PPL: variants seen among roughly 807,000 people sequenced by gnomAD.
The protein encoded by PPL is 190 kDa paraneoplastic pemphigus antigen.
PPL carries 198 observed loss-of-function variants against 194.4 expected under a neutral mutation model. The ratio of observed to expected loss-of-function variants is 1.02; its 90% CI spans 0.91 to 1.15. The LOEUF (loss-of-function observed/expected upper bound fraction) is 1.15, where lower values mean the gene tolerates loss of function less well. PPL is among the 50% of genes most tolerant of loss of function. The pLI is 0.00. For synonymous variants in PPL, 1,220 were observed against 972.4 expected (o/e 1.25, Z -4.74); for missense variants, 2,885 against 2,294.8 (o/e 1.26, Z -5.25).
At chr16:4,908,247 C>T (rs894799640) in intron 2 of PPL, among the ~76,000 whole-genome samples, 65 of 151,564 alleles carry the variant, frequency 4.3e-4, no homozygotes, top group Admixed American at 2.0e-4. Context: ...AATCCCAGCA[C>T]TTTGGGAAGC....
rs775542961 is a variant in PPL, at chr16:4,892,103, C to G, written c.1761G>C (p.Arg587Ser). Reference protein sequence around the residue: ...LPGSGTTPLLRTRVEDTNRKY... With the variant: ...LPGSGTTPLLSTRVEDTNRKY... ...TCCGGTTGGTGTCCTCCACCCGGGTCCTCAGCAGGGGTGTGGTGCCACTGC... is the reference window on the plus strand; with the variant it reads ...TCCGGTTGGTGTCCTCCACCCGGGTGCTCAGCAGGGGTGTGGTGCCACTGC... Residue 587 changes from arginine (R) to serine (S), a missense_variant, in exon 15 of 22, where the codon AGG becomes AGC. Arg to Ser is a moderately radical substitution (Grantham distance 110). Coordinates refer to ENST00000345988, the MANE Select transcript of PPL (RefSeq NM_002705.5). The G allele has an allele frequency of 6.2e-7, 1 of 1,613,824 alleles. No homozygotes were observed. The highest frequency in any genetic ancestry group is 1.3e-5 in the African/African-American group (1 of 75,072).
At position 4,885,857 on chromosome 16, in the gene PPL, A is replaced by C; in HGVS notation, c.2798T>G (p.Val933Gly). Residue 933 changes from valine to glycine, a missense_variant, in exon 22 of 22, where the codon GTG becomes GGG. Coordinates refer to ENST00000345988, the MANE Select transcript of PPL (RefSeq NM_002705.5). This position sits in a 1 kb window ranked among gnomAD's most constrained non-coding sequence, Gnocchi z 6.3. ...CACCTTCTTGAGCACCTCCTTCCTCACCACCGATTCCTGAGGCCCCTGATT... is the reference window on the plus strand; with the variant it reads ...CACCTTCTTGAGCACCTCCTTCCTCCCCACCGATTCCTGAGGCCCCTGATT... Reference protein sequence around the residue: ...LRNQGPQESVVRKEVLKKVPD... With the variant: ...LRNQGPQESVGRKEVLKKVPD... 1.2e-6 allele frequency: 2 copies of C among 1,607,848 alleles called. No individual in the cohort carries two copies. Among genetic ancestry groups the C allele is most frequent in the Non-Finnish European group, 1.7e-6 (2 of 1,179,950 alleles).
rs369732206 is a variant in PPL at position 4,922,862 on chromosome 16, C to T, written c.63-11913G>A. Among the ~76,000 whole-genome samples the T allele has an allele frequency of 1.8e-4, 28 of 152,278 alleles. No individual in the cohort carries two copies. The South Asian group carries it at 5.4e-3, about 29-fold the overall frequency. On this transcript the variant is annotated intron_variant, in intron 1 of 21. Transcript: ENST00000345988. ...TTGCCGGGGCACGTGGAATTCACAA[C>T]TAACCTCAGAATTTGGAACCATCTC...
chr16:4,885,277 G>C lies in PPL; in HGVS notation c.3378C>G (p.Thr1126=). The change falls in exon 22 of 22, where the codon ACC becomes ACG. Residue 1126 remains threonine, a synonymous_variant. Coordinates refer to ENST00000345988, the MANE Select transcript of PPL (RefSeq NM_002705.5). This position sits in a 1 kb window ranked among gnomAD's most constrained non-coding sequence, Gnocchi z 6.3. The part of the protein sequence containing the change: ...EVLKVEKDAA[T]EREVSDLTRQ... ...GGGTGAGATCGCTGACCTCCCTCTC[G>C]GTGGCCGCGTCCTTCTCCACCTTGA... 6.2e-7 allele frequency: 1 copy of C among 1,611,584 alleles called. No homozygotes were observed. Among genetic ancestry groups the C allele is most frequent in the Non-Finnish European group, 8.5e-7 (1 of 1,179,930 alleles).
rs1204941841 is a variant in PPL, at chr16:4,883,587, T to C, written c.5068A>G (p.Ser1690Gly). 1 of 1,614,062 alleles carries C rather than the reference T, an allele frequency of 6.2e-7. No homozygotes were observed. Among genetic ancestry groups the C allele is most frequent in the African/African-American group, 1.3e-5 (1 of 74,932 alleles). ...ATCTCCTCCCAGTCGCACTCCTGGC[T>C]TCTGAGTTTCACGAACATGTTCCAG... ...IDWNMFVKLRSQECDWEEISV... is the reference protein window; with the variant it reads ...IDWNMFVKLRGQECDWEEISV... The change falls in exon 22 of 22, where the codon AGC (serine) becomes GGC (glycine). Residue 1690 changes from serine to glycine, a missense_variant. Physicochemically the swap from Ser to Gly is moderately conservative, Grantham distance 56. Transcript: ENST00000345988. This position sits in a 1 kb window ranked among gnomAD's most constrained non-coding sequence, Gnocchi z 4.8.
chr16:4,903,624 G>A lies in PPL; in HGVS notation c.317+262C>T, dbSNP rs558947351. 7.9e-5 allele frequency among the ~76,000 whole-genome samples: 12 copies of A among 152,110 alleles called. 1 individual carries two copies. The East Asian group carries it at 2.3e-3, about 29-fold the overall frequency. ...AATTCCAGCTACTTGGGAGGCTGAG[G>A]CATGAGAATAGCTTGAACTGGGGAG... On this transcript the variant is annotated intron_variant, in intron 3 of 21. Coordinates refer to ENST00000345988, the MANE Select transcript of PPL (RefSeq NM_002705.5).
intron 21 of PPL, 35 bp downstream of exon 21, chr16:4,887,100 A>G: frequency 6.7e-7 from 1 of 1,499,716 alleles, no homozygotes; most frequent in Non-Finnish European, 9.3e-7. Context: ...CTGTTAGAAC[A>G]GCCTGAAGTA....
Position 4,891,814 on chromosome 16 carries a change from C to A in PPL, c.1965G>T (p.Leu655=). 6.2e-7 allele frequency: 1 copy of A among 1,609,318 alleles called. No homozygotes were observed. The highest frequency in any genetic ancestry group is 1.3e-5 in the African/African-American group (1 of 74,914). ...SRVLDSKGQE[L]AAMACELQAQ... The stretch of plus-strand genomic sequence containing the variant: ...AGGACTTGGGCCCTAGACTCACCGC[C>A]AGCTCCTGCCCCTTGCTGTCCAGGA... The change falls in exon 16 of 22, where the codon CTG becomes CTT. Residue 655 remains leucine, a synonymous_variant. Coordinates refer to ENST00000345988, the MANE Select transcript of PPL (RefSeq NM_002705.5).
Position 4,890,283 on chromosome 16 carries a change from G to A in PPL, c.2214C>T (p.Gly738=). The change falls in exon 18 of 22, where the codon GGC becomes GGT. Residue 738 remains glycine (G), a synonymous_variant. Coordinates refer to ENST00000345988, the MANE Select transcript of PPL (RefSeq NM_002705.5). ...AKAAYEHFHR[G]HDHVLQFLVS... is the part of the protein sequence containing the mutation. ...CTAGGAACTGCAGCACGTGGTCATG[G>A]CCGCGGTGGAAGTGCTCGTAGGCTG... The A allele has an allele frequency of 1.2e-6, 2 of 1,614,202 alleles. No homozygotes were observed. The highest frequency in any genetic ancestry group is 1.1e-5 in the South Asian group (1 of 91,088).
At position 4,884,845 on chromosome 16, in the gene PPL, G is replaced by C. The variant is rs1424217087; in HGVS notation, c.3810C>G (p.Tyr1270Ter). ...GGGCCTGGATTTCCTTTTTCAGCTG[G>C]TAGATCTCTAAATCACACCTTTCGA... ...RLIERCDLEI[Y>*]QLKKEIQALK... The change falls in exon 22 of 22, where the codon TAC becomes TAG. Residue 1270 changes from tyrosine to a stop codon, truncating the protein, a stop_gained. Coordinates refer to ENST00000345988, the MANE Select transcript of PPL (RefSeq NM_002705.5). LOFTEE classifies it high-confidence loss of function. This position sits in a 1 kb window ranked among gnomAD's most constrained non-coding sequence, Gnocchi z 5.7. The C allele has an allele frequency of 2.5e-6, 4 of 1,614,004 alleles. No homozygotes were observed. The highest frequency in any genetic ancestry group is 3.4e-6 in the Non-Finnish European group (4 of 1,180,034).
rs1302560909 is a variant in PPL, at chr16:4,887,142, A to G, written c.2600T>C (p.Leu867Pro). The G allele has an allele frequency of 5.0e-6, 8 of 1,611,574 alleles. No homozygotes were observed. In the South Asian group the frequency reaches 8.8e-5, roughly 18 times the overall value. ...CTTACTAAGATCAGTTACCTGTCTG[A>G]GGAGATTCAGAGCAAACTCCAGATT... ...LQNLEFALNL[L>P]RQQPEVEVTH... Residue 867 changes from leucine to proline, a missense_variant, in exon 21 of 22, where the codon CTC becomes CCC. Physicochemically the swap from Leu to Pro is moderately conservative, Grantham distance 98 (BLOSUM62 -3). Coordinates refer to ENST00000345988, the MANE Select transcript of PPL (RefSeq NM_002705.5).
At position 4,908,351 on chromosome 16, in the gene PPL, G is replaced by A. The variant is rs994372395; in HGVS notation, c.162+2499C>T. 4.0e-5 allele frequency among the ~76,000 whole-genome samples: 6 copies of A among 151,668 alleles called. No homozygotes were observed. The South Asian group carries it at 1.2e-3, about 32-fold the overall frequency. ...CTCTGCAAAAAAATAAAATAAAAAT[G>A]GTTCAAAATTACCTATTTTGAGTCA... On this transcript the variant is annotated intron_variant, in intron 2 of 21. Transcript: ENST00000345988.
At chr16:4,906,353 T>A (rs1004580137) in intron 2 of PPL, among the ~76,000 whole-genome samples, 1 of 152,106 alleles carries the variant, frequency 6.6e-6, no homozygotes, top group Non-Finnish European at 1.5e-5. Flanking sequence ...GCCTCCCAAG[T>A]AACTGGGACT....
In PPL at chr16:4,891,797, G is replaced by A. The variant is rs375976302; in HGVS notation, c.1968+14C>T. On this transcript the variant is annotated intron_variant, in intron 16 of 21. Transcript: ENST00000345988. ...CTCAGAGAAGGACTCCCAGGACTTG[G>A]GCCCTAGACTCACCGCCAGCTCCTG... is the stretch of plus-strand genomic sequence containing the variant. 12 of 1,598,832 alleles carry A rather than the reference G, an allele frequency of 7.5e-6. No individual in the cohort carries two copies. Among genetic ancestry groups the A allele is most frequent in the East Asian group, 2.2e-5 (1 of 44,784 alleles).
chr16:4,897,154 G>A (rs2088446296), intron 9 of PPL, among the ~76,000 whole-genome samples: 2 of 151,290 alleles, frequency 1.3e-5, no homozygotes, highest in South Asian at 4.2e-4. Flanking sequence ...GACCAACATG[G>A]CGAAACCCCA....
At chr16:4,887,394 A>G (rs1456867691) in intron 20 of PPL, among the ~76,000 whole-genome samples, 167 bp from the exon 21 acceptor site, 2 of 152,132 alleles carry the variant, frequency 1.3e-5, no homozygotes, top group African/African-American at 4.8e-5. Flanking sequence ...TCACCGGTGG[A>G]GAGAAAAATG....
chr16:4,929,062 G>A (rs542070395), intron 1 of PPL, among the ~76,000 whole-genome samples: 2 of 149,390 alleles, frequency 1.3e-5, no homozygotes, highest in African/African-American at 4.9e-5. Flanking sequence ...GAGAGTCCTG[G>A]AGCGAGTCAC....
intron 2 of PPL, among the ~76,000 whole-genome samples, chr16:4,906,177 T>G (rs2088678820): frequency 6.6e-6 from 1 of 152,152 alleles, no homozygotes; most frequent in Non-Finnish European, 1.5e-5. Context: ...GCCCGTTAAT[T>G]ACAACAAAAC....
Position 4,883,352 on chromosome 16 carries a change from T to C in PPL, c.*32A>G, listed in dbSNP as rs1429440037. On this transcript the variant is annotated 3_prime_UTR_variant, in exon 22 of 22. Coordinates refer to ENST00000345988, the MANE Select transcript of PPL (RefSeq NM_002705.5). The surrounding 1 kb of genome is among the most constrained non-coding windows in gnomAD (Gnocchi z 4.8). ...ACTGCGTCGTAGGAGAGGGCCAGCG[T>C]CTGCCGTTACGAAGAGTTGCAAGAG... 1 of 1,611,586 alleles carries C rather than the reference T, an allele frequency of 6.2e-7. No homozygotes were observed. Among genetic ancestry groups the C allele is most frequent in the Admixed American group, 1.7e-5 (1 of 59,914 alleles).
Sources: allele counts gnomAD v4.1 joint callset (sites outside exome capture counted in the v4.1 genomes callset), GRCh38; gene constraint gnomAD v4.1.1; non-coding constraint Gnocchi (gnomAD v3.1); transcripts MANE v1.5; gene names NCBI Gene and HGNC (gene_info 2026-07-23, HGNC 2026-07-21).